Variants in SNAPC3 observed in about 807,000 individuals in gnomAD.
The protein encoded by SNAPC3 is small nuclear RNA activating complex polypeptide 3, also known as snRNA-activating protein complex subunit 3.
In SNAPC3, 56 loss-of-function variants were observed where a neutral mutation model predicts 47.7. That is an observed-to-expected ratio of 1.18 (90% confidence interval 0.95 to 1.47). SNAPC3 has a LOEUF of 1.47. SNAPC3 is among the 40% of genes most tolerant of loss of function. SNAPC3 has a pLI of 0.00. For synonymous variants in SNAPC3, 235 were observed against 189.9 expected, an observed-to-expected ratio of 1.24 and a Z score of -1.95; for missense variants, 665 against 511.3, an observed-to-expected ratio of 1.30 and a Z score of -2.90.
At chr9:15,430,799 T>C (rs962115376) in intron 2 of SNAPC3, among the ~76,000 whole-genome samples, 1 of 152,140 alleles carries the variant, frequency 6.6e-6, no homozygotes, top group African/African-American at 2.4e-5. Flanking sequence ...GAATAAAGGA[T>C]GAGGAAGGAT....
chr9:15,456,324 C>A (rs1382060206), intron 7 of SNAPC3, among the ~76,000 whole-genome samples: 1 of 151,994 alleles, frequency 6.6e-6, no homozygotes, highest in East Asian at 1.9e-4. Context: ...CCGTACATTT[C>A]TTATAGTGTA....
At chr9:15,452,941 G>T in intron 6 of SNAPC3, 100 bp from the exon 7 acceptor site, 1 of 940,054 alleles carries the variant, frequency 1.1e-6, no homozygotes, top group South Asian at 1.9e-5. Flanking sequence ...AGTTAGTTGG[G>T]TGAGCTAGGT....
rs777137661 is a variant in SNAPC3, at chr9:15,422,996, G to A, written c.117G>A (p.Thr39=). The change falls in exon 1 of 9, where the codon ACG becomes ACA. Residue 39 remains threonine (T), a synonymous_variant. Transcript: ENST00000380821. ...AGTATGAGCTTCCCGAGCTAAATAC[G>A]CGCGCTTTCCATGTGGGCGCCTTTG... is the stretch of plus-strand genomic sequence containing the variant. ...FPEYELPELN[T]RAFHVGAFGE... The A allele has an allele frequency of 1.3e-6, 2 of 1,545,006 alleles. No individual in the cohort carries two copies. Among genetic ancestry groups the A allele is most frequent in the Admixed American group, 2.2e-5 (1 of 44,564 alleles).
Position 15,451,331 on chromosome 9 carries a change from A to G in SNAPC3, c.744A>G (p.Lys248=). 1 of 1,460,578 alleles carries G rather than the reference A, an allele frequency of 6.8e-7. No individual in the cohort carries two copies. Among genetic ancestry groups the G allele is most frequent in the Non-Finnish European group, 9.5e-7 (1 of 1,054,578 alleles). 90.5% of individuals were successfully genotyped at this position (1,460,578 alleles called of 1,614,324 possible). ...CTGTTTTCTTGTAGGACCTATACAAATCAGCCTTCTTTTATTTTGAAGGAA... is the reference window on the plus strand; with the variant it reads ...CTGTTTTCTTGTAGGACCTATACAAGTCAGCCTTCTTTTATTTTGAAGGAA... The part of the protein sequence containing the change: ...APEHISKDLY[K]SAFFYFEGTF... The change falls in exon 6 of 9, where the codon AAA becomes AAG. Residue 248 remains lysine (K), a synonymous_variant. Transcript: ENST00000380821.
At chr9:15,430,713 C>G (rs2032030287) in intron 2 of SNAPC3, among the ~76,000 whole-genome samples, 1 of 152,040 alleles carries the variant, frequency 6.6e-6, no homozygotes, top group South Asian at 2.1e-4. Flanking sequence ...ATTTGAAATA[C>G]CTTAAATATA....
chr9:15,453,092 G>A lies in SNAPC3; in HGVS notation c.867G>A (p.Gln289=). The change falls in exon 7 of 9, where the codon CAG becomes CAA. Residue 289 remains glutamine, a synonymous_variant. Transcript: ENST00000380821. ...ATGATAGAGGCTATGGAAAGTTTCA[G>A]ACTGCTAGAATGGAAGATTTCACCT... The part of the protein sequence containing the change: ...ESHDRGYGKF[Q]TARMEDFTFN... The A allele has an allele frequency of 6.2e-7, 1 of 1,613,634 alleles. No homozygotes were observed. Among genetic ancestry groups the A allele is most frequent in the Non-Finnish European group, 8.5e-7 (1 of 1,179,578 alleles).
intron 5 of SNAPC3, among the ~76,000 whole-genome samples, chr9:15,450,219 A>G (rs564828286): frequency 2.0e-5 from 3 of 152,260 alleles, no homozygotes; most frequent in Admixed American, 2.0e-4. Flanking sequence ...CTCACATTTT[A>G]CATGGGAAAA....
intron 1 of SNAPC3, among the ~76,000 whole-genome samples, 188 bp from the exon 2 acceptor site, chr9:15,423,721 C>T (rs368625722): frequency 2.0e-4 from 30 of 152,156 alleles, no homozygotes; most frequent in African/African-American, 7.0e-4. Context: ...TACTGGCTGC[C>T]TTCATCGGCC....
At chr9:15,449,190 TTAAA>T (rs1324421823) in intron 5 of SNAPC3, among the ~76,000 whole-genome samples, 1 of 152,164 alleles carries the variant, frequency 6.6e-6, no homozygotes, top group African/African-American at 2.4e-5. Flanking sequence ...GATGTAACTG[TTAAA>T]TAATAAGATC....
chr9:15,444,125 G>A (rs1272458232), intron 3 of SNAPC3, among the ~76,000 whole-genome samples: 1 of 152,174 alleles, frequency 6.6e-6, no homozygotes, highest in Non-Finnish European at 1.5e-5. Context: ...ATATATTAAA[G>A]ATGTCATGGT....
intron 1 of SNAPC3, among the ~76,000 whole-genome samples, chr9:15,423,434 A>G (rs529878219): frequency 9.2e-5 from 14 of 152,314 alleles, no homozygotes; most frequent in African/African-American, 2.4e-4. Context: ...ATCAAAGACT[A>G]GTTTTTCCAT....
chr9:15,423,995 G>T lies in SNAPC3; in HGVS notation c.392+9G>T. 1.3e-6 allele frequency: 2 copies of T among 1,515,588 alleles called. No individual in the cohort carries two copies. Among genetic ancestry groups the T allele is most frequent in the Non-Finnish European group, 1.8e-6 (2 of 1,122,478 alleles). 93.9% of individuals were successfully genotyped at this position (1,515,588 alleles called of 1,614,324 possible). A position where few individuals can be genotyped will look rare whatever the true frequency, so the allele number is the denominator to read the frequency against. On this transcript the variant is annotated intron_variant, in intron 2 of 8. Coordinates refer to ENST00000380821, the MANE Select transcript of SNAPC3 (RefSeq NM_001039697.2). ...GACCTGGTGACTTTGGGGTATGGAG[G>T]ACTTGGTTTTTATGACCTATTTATT...
At chr9:15,431,835 C>G (rs957072344) in intron 2 of SNAPC3, 2 of 149,440 alleles carry the variant, frequency 1.3e-5, no homozygotes, top group African/African-American at 4.9e-5. Flanking sequence ...AATATAACAC[C>G]ACTGAAAAGG....
In SNAPC3 at chr9:15,433,223, G is replaced by A. The variant is rs542549185; in HGVS notation, c.393-329G>A. On this transcript the variant is annotated intron_variant, in intron 2 of 8. Coordinates refer to ENST00000380821, the MANE Select transcript of SNAPC3 (RefSeq NM_001039697.2). ...ATTTTAACAAACTCAAGGAGACTAA[G>A]GAAAAATAACAGATGCCATGTGGGA... 2.0e-5 allele frequency among the ~76,000 whole-genome samples: 3 copies of A among 150,520 alleles called. No homozygotes were observed. The East Asian group carries it at 5.8e-4, about 29-fold the overall frequency.
At chr9:15,451,958 T>C (rs1354295435) in intron 6 of SNAPC3, among the ~76,000 whole-genome samples, 1 of 96,488 alleles carries the variant, frequency 1.0e-5, no homozygotes, top group African/African-American at 3.2e-5. Context: ...TATATATTAT[T>C]GTTGCCCTTT....
chr9:15,442,937 G>A (rs1367530839), intron 3 of SNAPC3, among the ~76,000 whole-genome samples: 1 of 152,250 alleles, frequency 6.6e-6, no homozygotes, highest in African/African-American at 2.4e-5. Flanking sequence ...GGGAGGCTGA[G>A]GCTGGCAGAT....
At chr9:15,451,525 G>C (rs1362615426) in intron 6 of SNAPC3, 123 bp downstream of exon 6, 1 of 464,544 alleles carries the variant, frequency 2.2e-6, no homozygotes, top group African/African-American at 2.0e-5. Flanking sequence ...GATAAATCTT[G>C]TCTTTTGCAT....
intron 2 of SNAPC3, among the ~76,000 whole-genome samples, chr9:15,428,173 G>T (rs1340376160): frequency 6.8e-6 from 1 of 147,616 alleles, no homozygotes; most frequent in South Asian, 2.1e-4. Context: ...TGGCTAGAAT[G>T]ACAGAAAAGA....
At chr9:15,442,619 C>T (rs963835399) in intron 3 of SNAPC3, among the ~76,000 whole-genome samples, 16 of 151,608 alleles carry the variant, frequency 1.1e-4, no homozygotes, top group East Asian at 5.8e-4. Context: ...AATGGGCGGC[C>T]GGGCAGAGAC....
Sources: gnomAD v4.1 joint callset for allele counts (sites outside exome capture counted in the v4.1 genomes callset) on GRCh38, gnomAD v4.1.1 for gene constraint, MANE v1.5 for transcripts, NCBI Gene and HGNC (gene_info 2026-07-23, HGNC 2026-07-21) for gene names.